The following ATRX variants were observed in gnomAD, a reference collection of about 807,000 sequenced individuals.
ATRX encodes the protein chromatin remodeler ATRX.
A neutral mutation model predicts 172.6 loss-of-function variants in ATRX; 12 were observed. The ratio of observed to expected loss-of-function variants is 0.07; its 90% confidence interval spans 0.04 to 0.11. The LOEUF (loss-of-function observed/expected upper bound fraction) is 0.11, where lower values mean the gene tolerates loss of function less well. Ranked by LOEUF, ATRX falls within the 10% of genes least tolerant of loss-of-function variation. ATRX has a pLI of 1.00. For synonymous variants in ATRX, 674 were observed against 594.7 expected, an observed-to-expected ratio of 1.13 and a Z score of -1.94; for missense variants, 1,368 against 1,767.4, an observed-to-expected ratio of 0.77 and a Z score of 4.05.
Position 77,538,019 on chromosome X carries a change from C to T in ATRX, c.6700-14618G>A, listed in dbSNP as rs782554880. On this transcript the variant is annotated intron_variant, in intron 30 of 34. Coordinates refer to ENST00000373344, the MANE Select transcript of ATRX (RefSeq NM_000489.6). ...TGAACACGTTGAAGGGAACAACACA[C>T]GCTAGGGACTGTCGGGGTGAGGGTT... Among the ~76,000 whole-genome samples, 45 of 110,333 alleles carry T rather than the reference C, an allele frequency of 4.1e-4. 1 individual carries two copies. In the South Asian group the frequency reaches 4.7e-3, roughly 12 times the overall value.
chrX:77,600,744 T>C lies in ATRX; in HGVS notation c.5567-180A>G, dbSNP rs1037622720. The C allele has an allele frequency of 7.2e-6, 3 of 414,353 alleles. No homozygotes were observed. In the East Asian group the frequency reaches 1.3e-4, roughly 18 times the overall value. 34.1% of individuals were successfully genotyped at this position (414,353 alleles called of 1,213,427 possible). On this transcript the variant is annotated intron_variant, in intron 22 of 34. Transcript: ENST00000373344. ...CAAATAGGATTACAAAAGAAACCCA[T>C]CATATAGAAATTATCAAAATATTAA...
At chrX:77,651,308 G>A (rs1488637945) in intron 15 of ATRX, among the ~76,000 whole-genome samples, 1 of 106,105 alleles carries the variant, frequency 9.4e-6, no homozygotes, top group Non-Finnish European at 1.9e-5. Flanking sequence ...GATCCAGGGA[G>A]AATTATTATA....
intron 34 of ATRX, among the ~76,000 whole-genome samples, chrX:77,509,771 C>T (rs886942858): frequency 9.0e-6 from 1 of 111,135 alleles, no homozygotes; most frequent in Non-Finnish European, 1.9e-5. Flanking sequence ...CCTATCCCAG[C>T]AGGCAGAACC....
At chrX:77,689,933 A>C (rs2071794551) in intron 6 of ATRX, among the ~76,000 whole-genome samples, 1 of 112,444 alleles carries the variant, frequency 8.9e-6, no homozygotes, top group Non-Finnish European at 1.9e-5. Context: ...ACTAAAAAAC[A>C]AATTGGCTCC....
chrX:77,582,357 G>A (rs1444345499), intron 27 of ATRX, among the ~76,000 whole-genome samples: 3 of 107,584 alleles, frequency 2.8e-5, no homozygotes, highest in African/African-American at 6.8e-5. Context: ...CCGAGATTGC[G>A]CCACTGTATT....
chrX:77,761,597 T>C (rs2075718867), intron 1 of ATRX, among the ~76,000 whole-genome samples: 1 of 111,557 alleles, frequency 9.0e-6, no homozygotes, highest in African/African-American at 3.3e-5. Flanking sequence ...CATAGTGAAA[T>C]GATTACTATG....
chrX:77,573,246 A>G (rs1191874041), intron 28 of ATRX, among the ~76,000 whole-genome samples: 2 of 111,416 alleles, frequency 1.8e-5, no homozygotes, highest in African/African-American at 6.5e-5. Context: ...TTGTGTTCCA[A>G]TTGCCTACAG....
At chrX:77,582,349 G>A (rs1241171813) in intron 27 of ATRX, among the ~76,000 whole-genome samples, 2 of 108,120 alleles carry the variant, frequency 1.8e-5, no homozygotes, top group African/African-American at 3.4e-5. Context: ...GCAGTGAGCC[G>A]AGATTGCGCC....
At chrX:77,591,122 T>C (rs1422400525) in intron 26 of ATRX, among the ~76,000 whole-genome samples, 1 of 112,171 alleles carries the variant, frequency 8.9e-6, no homozygotes, top group African/African-American at 3.2e-5. Context: ...TCAAGTTTTG[T>C]GTAGAGTTCA....
chrX:77,708,066 T>C (rs782052930), intron 2 of ATRX, among the ~76,000 whole-genome samples: 1 of 111,878 alleles, frequency 8.9e-6, no homozygotes, highest in African/African-American at 3.2e-5. Context: ...ATCCAGCAAT[T>C]AGATTCCTAG....
rs576208398 is a variant in ATRX at position 77,557,671 on chromosome X, C to T, written c.6505-26G>A. On this transcript the variant is annotated intron_variant, in intron 29 of 34. Transcript: ENST00000373344. The stretch of plus-strand genomic sequence containing the variant: ...CTTTGTAAAAAGAAGGAAGAATATA[C>T]AAAAAAATAAAATTTTGTAAGCATG... The T allele has an allele frequency of 1.7e-5, 19 of 1,151,159 alleles. No homozygotes were observed. In the South Asian group the frequency reaches 3.3e-4, roughly 20 times the overall value. 94.9% of individuals were successfully genotyped at this position (1,151,159 alleles called of 1,213,427 possible).
intron 2 of ATRX, among the ~76,000 whole-genome samples, chrX:77,716,069 A>C (rs1557164521): frequency 9.6e-6 from 1 of 104,547 alleles, no homozygotes; most frequent in Non-Finnish European, 1.9e-5. Flanking sequence ...CAGGAAGTCC[A>C]AGACCAGTCT....
At chrX:77,701,891 C>T (rs1407500286) in intron 2 of ATRX, among the ~76,000 whole-genome samples, 1 of 108,544 alleles carries the variant, frequency 9.2e-6, no homozygotes, top group African/African-American at 3.4e-5. Context: ...CATGGCAAAA[C>T]CCCATCTCTA....
At chrX:77,629,224 C>T (rs1253635074) in intron 19 of ATRX, among the ~76,000 whole-genome samples, 2 of 112,392 alleles carry the variant, frequency 1.8e-5, no homozygotes, top group Non-Finnish European at 1.9e-5. Context: ...ACATACTCTG[C>T]TGCCATTTAT....
intron 1 of ATRX, among the ~76,000 whole-genome samples, chrX:77,784,619 T>G (rs969765073): frequency 3.6e-5 from 4 of 111,951 alleles, no homozygotes; most frequent in South Asian, 3.7e-4. Context: ...AGATAAAGAT[T>G]TGTTGTATTT....
At chrX:77,624,107 C>G (rs782445896) in intron 19 of ATRX, among the ~76,000 whole-genome samples, 1 of 111,874 alleles carries the variant, frequency 8.9e-6, no homozygotes, top group African/African-American at 3.2e-5. Context: ...TGGCTCACGC[C>G]TGTAATCCCA....
rs191607922 is a variant in ATRX at position 77,778,489 on chromosome X, A to G, written c.20+7493T>C. Among the ~76,000 whole-genome samples, 970 of 109,723 alleles carry G rather than the reference A, an allele frequency of 8.8e-3. 14 individuals are homozygous for G. The highest frequency in any genetic ancestry group is 0.03 in the African/African-American group (920 of 30,192). On this transcript the variant is annotated intron_variant, in intron 1 of 34. Coordinates refer to ENST00000373344, the MANE Select transcript of ATRX (RefSeq NM_000489.6). ...TGTAATCCCAGCACTTTGGGAGGCC[A>G]AGGCGGGCGGATCATGAGGTCAGGA...
chrX:77,659,524 C>CACACAG (rs781808344), intron 12 of ATRX, among the ~76,000 whole-genome samples: 4,221 of 98,261 alleles, frequency 0.043, 111 homozygotes, highest in Non-Finnish European at 0.07. Context: ...CACACACACA[C>CACACAG]AGGCAGACAC....
chrX:77,712,789 A>T (rs1039086354), intron 2 of ATRX, among the ~76,000 whole-genome samples: 1 of 111,221 alleles, frequency 9.0e-6, no homozygotes, highest in Non-Finnish European at 1.9e-5. Flanking sequence ...AGATGGCGCC[A>T]CTGCACTCCA....
Sources: allele counts gnomAD v4.1 joint callset (sites outside exome capture counted in the v4.1 genomes callset), GRCh38; gene constraint gnomAD v4.1.1; transcripts MANE v1.5; gene names NCBI Gene and HGNC (gene_info 2026-07-23, HGNC 2026-07-21).